CCDC192: variants seen among roughly 807,000 people sequenced by gnomAD.
CCDC192 encodes the protein coiled-coil domain-containing protein 192.
chr5:127,897,706 A>AT (rs556201460), intron 6 of CCDC192, among the ~76,000 whole-genome samples: 10 of 151,100 alleles, frequency 6.6e-5, no homozygotes, highest in African/African-American at 1.5e-4. Flanking sequence ...GAGGATTCTC[A>AT]TTTTTTTTTC....
intron 3 of CCDC192, among the ~76,000 whole-genome samples, chr5:127,782,519 T>C (rs1311315253): frequency 1.3e-5 from 2 of 152,150 alleles, no homozygotes; most frequent in Non-Finnish European, 2.9e-5. Context: ...GTTTAGGGTA[T>C]CTAATTCTTC....
intron 6 of CCDC192, among the ~76,000 whole-genome samples, chr5:127,879,171 A>G (rs905509523): frequency 6.6e-5 from 10 of 152,108 alleles, no homozygotes; most frequent in Non-Finnish European, 1.5e-4. Context: ...GCATCACACT[A>G]CCTGACTTCA....
chr5:127,859,981 C>T (rs1168211627), intron 5 of CCDC192, among the ~76,000 whole-genome samples: 7 of 152,182 alleles, frequency 4.6e-5, no homozygotes, highest in South Asian at 2.1e-4. Context: ...CAGTTTTGTG[C>T]GTACTGGAAT....
intron 6 of CCDC192, 58 bp from the exon 7 acceptor site, chr5:127,941,124 T>C: frequency 2.5e-6 from 1 of 398,922 alleles, no homozygotes; most frequent in Non-Finnish European, 4.4e-6. Flanking sequence ...TTCCTTGCTT[T>C]GACTTCTGGG....
chr5:127,789,490 A>G (rs1756744835), intron 3 of CCDC192, among the ~76,000 whole-genome samples: 1 of 152,246 alleles, frequency 6.6e-6, no homozygotes, highest in African/African-American at 2.4e-5. Flanking sequence ...TTTGCATTCT[A>G]GTGTTTTGCA....
intron 6 of CCDC192, among the ~76,000 whole-genome samples, chr5:127,880,038 C>T (rs1752282601): frequency 6.6e-6 from 1 of 152,174 alleles, no homozygotes; most frequent in Non-Finnish European, 1.5e-5. Flanking sequence ...GGCGATTCCT[C>T]AGGGATCTAG....
intron 5 of CCDC192, among the ~76,000 whole-genome samples, chr5:127,809,846 T>C (rs1757982258): frequency 1.3e-5 from 2 of 152,178 alleles, no homozygotes; most frequent in Admixed American, 1.3e-4. Flanking sequence ...GATCACTAAT[T>C]TTTCAGACAA....
chr5:127,902,982 G>A (rs936469185), intron 6 of CCDC192, among the ~76,000 whole-genome samples: 1 of 152,130 alleles, frequency 6.6e-6, no homozygotes, highest in African/African-American at 2.4e-5. Flanking sequence ...GGAATGTATA[G>A]GCTTTTTTAT....
chr5:127,801,624 T>C (rs141312523), intron 5 of CCDC192, among the ~76,000 whole-genome samples: 19 of 152,354 alleles, frequency 1.2e-4, no homozygotes, highest in Admixed American at 5.9e-4. Flanking sequence ...TTCATTCAAA[T>C]AACTCTTTTC....
At chr5:127,723,233 A>G (rs1752125989) in intron 2 of CCDC192, among the ~76,000 whole-genome samples, 1 of 152,086 alleles carries the variant, frequency 6.6e-6, no homozygotes, top group African/African-American at 2.4e-5. Context: ...AAATGGAATT[A>G]CTTTCTTGAT....
intron 3 of CCDC192, among the ~76,000 whole-genome samples, chr5:127,796,876 A>G (rs1757193182): frequency 6.6e-6 from 1 of 152,240 alleles, no homozygotes; most frequent in African/African-American, 2.4e-5. Context: ...CGTTGTAACT[A>G]TGCGATTTCA....
chr5:127,918,459 G>A (rs1753594184), intron 6 of CCDC192, among the ~76,000 whole-genome samples: 1 of 152,010 alleles, frequency 6.6e-6, no homozygotes, highest in Non-Finnish European at 1.5e-5. Flanking sequence ...AGTAGGGACT[G>A]GTTTTTAGTC....
intron 3 of CCDC192, among the ~76,000 whole-genome samples, chr5:127,783,408 T>C (rs909180752): frequency 2.0e-5 from 3 of 152,250 alleles, no homozygotes; most frequent in African/African-American, 7.2e-5. Context: ...GATTATTTAA[T>C]TTCCATGTAT....
At chr5:127,753,226 G>T (rs548449645) in intron 2 of CCDC192, among the ~76,000 whole-genome samples, 5 of 152,206 alleles carry the variant, frequency 3.3e-5, no homozygotes, top group Admixed American at 3.3e-4. Context: ...GCTATAGGAA[G>T]GTCATCATCC....
At chr5:127,758,616 ATACT>A (rs1329158063) in intron 3 of CCDC192, among the ~76,000 whole-genome samples, 1 of 152,220 alleles carries the variant, frequency 6.6e-6, no homozygotes, top group African/African-American at 2.4e-5. Context: ...GCTTAAGAAA[ATACT>A]TTATTGTATT....
intron 3 of CCDC192, among the ~76,000 whole-genome samples, chr5:127,790,430 A>G (rs1756801971): frequency 6.6e-6 from 1 of 152,212 alleles, no homozygotes; most frequent in Admixed American, 6.5e-5. Flanking sequence ...CGGGACATCC[A>G]ACACTCAAAC....
intron 5 of CCDC192, among the ~76,000 whole-genome samples, chr5:127,840,663 C>T (rs911361441): frequency 6.6e-6 from 1 of 151,862 alleles, no homozygotes; most frequent in Non-Finnish European, 1.5e-5. Flanking sequence ...CAGTAAGACT[C>T]CAGGAAGTTA....
intron 3 of CCDC192, chr5:127,784,781 A>G (rs775520770): frequency 3.9e-5 from 19 of 491,746 alleles, no homozygotes; most frequent in Middle Eastern, 3.4e-4. Context: ...AACCTTCCTC[A>G]TCTTCATGAT....
At chr5:127,888,751 T>G (rs1752648101) in intron 6 of CCDC192, among the ~76,000 whole-genome samples, 1 of 152,214 alleles carries the variant, frequency 6.6e-6, no homozygotes, top group African/African-American at 2.4e-5. Flanking sequence ...CTACTCTGAA[T>G]GTGAGAATCA....
Sources: gnomAD v4.1 joint callset for allele counts (sites outside exome capture counted in the v4.1 genomes callset) on GRCh38, gnomAD v4.1.1 for gene constraint, MANE v1.5 for transcripts, NCBI Gene and HGNC (gene_info 2026-07-23, HGNC 2026-07-21) for gene names.